LRP1B: variants seen among roughly 807,000 people sequenced by gnomAD.
LRP1B encodes LDL receptor related protein 1B.
In LRP1B, 217 loss-of-function variants were observed where a neutral mutation model predicts 556.6. The observed-to-expected ratio is 0.39, with a 90% CI of 0.35 to 0.44. The LOEUF is 0.44. Ranked by LOEUF, LRP1B falls within the 20% of genes least tolerant of loss-of-function variation. The pLI, the probability that LRP1B is intolerant of heterozygous loss-of-function variation, is 1.00. For missense variants in LRP1B, 5,053 were observed against 5,620.8 expected (o/e 0.90, Z 3.23); for synonymous variants, 2,047 against 1,865.8 (o/e 1.10, Z -2.50).
At chr2:141,096,621 GGA>G (rs1315066802) in intron 7 of LRP1B, among the ~76,000 whole-genome samples, 2 of 39,896 alleles carry the variant, frequency 5.0e-5, no homozygotes, top group South Asian at 1.1e-3. Flanking sequence ...ACAAAGACGG[GGA>G]GAGGGGGAGA....
chr2:141,464,606 A>C, intron 3 of LRP1B, among the ~76,000 whole-genome samples: 1 of 90,544 alleles, frequency 1.1e-5, no homozygotes, highest in East Asian at 2.8e-4. Flanking sequence ...ATATATATAT[A>C]TTTTTTTAGT....
intron 17 of LRP1B, among the ~76,000 whole-genome samples, chr2:140,983,412 G>A (rs1448673419): frequency 2.0e-5 from 3 of 151,998 alleles, no homozygotes; most frequent in Non-Finnish European, 4.4e-5. Flanking sequence ...CTTTTTCCTA[G>A]GTTTCAGAAC....
Position 141,929,915 on chromosome 2 carries a change from A to AC in LRP1B, c.83-119515_83-119514insG, listed in dbSNP as rs201062832. Among the ~76,000 whole-genome samples, 74 of 7,900 alleles carry AC rather than the reference A, an allele frequency of 9.4e-3. 1 individual carries two copies. Among genetic ancestry groups the AC allele is most frequent in the African/African-American group, 0.025 (73 of 2,888 alleles). 5.2% of individuals were successfully genotyped at this position (7,900 alleles called of 152,430 possible). A position where few individuals can be genotyped will look rare whatever the true frequency, so the allele number is the denominator to read the frequency against. On this transcript the variant is annotated intron_variant, in intron 1 of 90. Transcript: ENST00000389484. Reference sequence around the variant, plus strand: ...CAGGAGAAACCGCGGATGGAAACAAAAAAAAAAAAAAAAAAAAAAAAAAGA... The same window carrying AC: ...CAGGAGAAACCGCGGATGGAAACAAACAAAAAAAAAAAAAAAAAAAAAAAGA...
chr2:140,964,614 T>G (rs530022350), intron 18 of LRP1B, among the ~76,000 whole-genome samples: 1 of 147,852 alleles, frequency 6.8e-6, no homozygotes, highest in Non-Finnish European at 1.5e-5. Flanking sequence ...TCCCCTCAGC[T>G]CCTATCTCTG....
At chr2:140,884,098 G>C in intron 24 of LRP1B, 77 bp from the exon 25 acceptor site, 2 of 1,218,154 alleles carry the variant, frequency 1.6e-6, no homozygotes, top group East Asian at 2.3e-5. Flanking sequence ...CTTTGTGCCT[G>C]TGATCAGCAG....
intron 2 of LRP1B, among the ~76,000 whole-genome samples, chr2:141,608,177 T>C (rs1429404174): frequency 9.9e-5 from 15 of 152,062 alleles, no homozygotes; most frequent in Admixed American, 7.2e-4. Flanking sequence ...TGAGCCGAGA[T>C]CAGGCCATTT....
intron 2 of LRP1B, among the ~76,000 whole-genome samples, chr2:141,792,939 T>C (rs968759169): frequency 3.3e-5 from 5 of 151,992 alleles, no homozygotes; most frequent in African/African-American, 4.8e-5. Flanking sequence ...AGGCAGTCCA[T>C]TGATAATAAT....
chr2:141,613,840 AG>A (rs1460452634), intron 2 of LRP1B, among the ~76,000 whole-genome samples: 1 of 152,098 alleles, frequency 6.6e-6, no homozygotes, highest in Admixed American at 6.6e-5. Context: ...TGGGAGGCCA[AG>A]GCAGGTGGAT....
At chr2:141,334,159 T>C (rs559584791) in intron 3 of LRP1B, among the ~76,000 whole-genome samples, 25 of 152,354 alleles carry the variant, frequency 1.6e-4, no homozygotes, top group Non-Finnish European at 2.9e-4. Flanking sequence ...CTGAATGATA[T>C]GGTTTGGCTC....
intron 8 of LRP1B, among the ~76,000 whole-genome samples, chr2:141,060,691 G>C (rs1488624112): frequency 1.3e-5 from 2 of 151,672 alleles, no homozygotes; most frequent in Admixed American, 1.3e-4. Context: ...TGTTCACCCA[G>C]TAAAGATAAA....
intron 85 of LRP1B, among the ~76,000 whole-genome samples, chr2:140,272,897 T>C (rs984744618): frequency 2.0e-5 from 3 of 151,962 alleles, no homozygotes; most frequent in Non-Finnish European, 1.5e-5. Context: ...TATATACATT[T>C]CCAAAAAGAT....
rs762967476 is a variant in LRP1B, at chr2:140,315,035, C to G, written c.12705G>C (p.Leu4235Phe). 6.2e-7 allele frequency: 1 copy of G among 1,611,772 alleles called. No homozygotes were observed. The highest frequency in any genetic ancestry group is 1.7e-5 in the Admixed American group (1 of 59,740). The change falls in exon 83 of 91, where the codon TTG becomes TTC. Residue 4235 changes from leucine (L) to phenylalanine (F), a missense_variant. By Grantham distance (22) the Leu-to-Phe change is conservative (BLOSUM62 0). Coordinates refer to ENST00000389484, the MANE Select transcript of LRP1B (RefSeq NM_018557.3). ...GRCILNEKGDLRCHCWPSYSG... is the reference protein window; with the variant it reads ...GRCILNEKGDFRCHCWPSYSG... The stretch of plus-strand genomic sequence containing the variant: ...AATAACTGGGCCAACAGTGACACCT[C>G]AAATCACCTTTCTCATTTAAAATGC...
chr2:140,756,481 T>C (rs750148284), intron 35 of LRP1B, among the ~76,000 whole-genome samples: 1 of 151,988 alleles, frequency 6.6e-6, no homozygotes, highest in Non-Finnish European at 1.5e-5. Context: ...AAAAATAAAA[T>C]AGATATATAG....
intron 83 of LRP1B, among the ~76,000 whole-genome samples, chr2:140,307,641 G>C (rs1054536844): frequency 2.0e-5 from 3 of 151,772 alleles, no homozygotes; most frequent in Non-Finnish European, 2.9e-5. Context: ...CATTAAAGGA[G>C]CATTAAATTT....
intron 1 of LRP1B, among the ~76,000 whole-genome samples, chr2:141,917,326 C>A (rs901742606): frequency 6.6e-6 from 1 of 152,034 alleles, no homozygotes; most frequent in African/African-American, 2.4e-5. Context: ...CTGAGAAATG[C>A]CCCCAAACAT....
At chr2:141,039,939 G>C (rs1421383538) in intron 11 of LRP1B, among the ~76,000 whole-genome samples, 14 of 152,018 alleles carry the variant, frequency 9.2e-5, no homozygotes, top group Admixed American at 7.9e-4. Context: ...ACTGAACACT[G>C]TTTTCAAGAA....
At chr2:141,391,760 A>G (rs1690057305) in intron 3 of LRP1B, among the ~76,000 whole-genome samples, 1 of 152,192 alleles carries the variant, frequency 6.6e-6, no homozygotes, top group Non-Finnish European at 1.5e-5. Flanking sequence ...TCTGGGATCG[A>G]ACAAGGGAAT....
chr2:141,751,708 A>G (rs1694120902), intron 2 of LRP1B, among the ~76,000 whole-genome samples: 1 of 152,038 alleles, frequency 6.6e-6, no homozygotes, highest in Non-Finnish European at 1.5e-5. Flanking sequence ...TAAACAACCT[A>G]TTTATTCAAA....
chr2:141,271,394 A>G (rs1331500838), intron 3 of LRP1B, among the ~76,000 whole-genome samples: 2 of 151,830 alleles, frequency 1.3e-5, no homozygotes, highest in Non-Finnish European at 2.9e-5. Flanking sequence ...CACAACCAAG[A>G]ATCAACAATG....
Sources: allele counts gnomAD v4.1 joint callset (sites outside exome capture counted in the v4.1 genomes callset), GRCh38; gene constraint gnomAD v4.1.1; transcripts MANE v1.5; gene names NCBI Gene and HGNC (gene_info 2026-07-23, HGNC 2026-07-21).